EXT1: variants seen among roughly 807,000 people sequenced by gnomAD.
EXT1 encodes exostosin-1.
EXT1 carries 20 observed loss-of-function variants against 82.5 expected under a neutral mutation model. The ratio of observed to expected loss-of-function variants is 0.24; its 90% CI spans 0.17 to 0.35. The LOEUF is 0.35. Ranked by LOEUF, EXT1 falls within the 10% of genes least tolerant of loss-of-function variation. The probability of loss-of-function intolerance (pLI) is 1.00; values close to 1 mark genes in which losing one functional copy is unlikely to be tolerated. For missense variants in EXT1, 757 were observed against 936.5 expected (o/e 0.81, Z 2.50); for synonymous variants, 348 against 350.8 (o/e 0.99, Z 0.09).
chr8:117,976,367 C>T (rs535921366), intron 1 of EXT1, among the ~76,000 whole-genome samples: 4 of 152,272 alleles, frequency 2.6e-5, no homozygotes, highest in African/African-American at 7.2e-5. Flanking sequence ...ACTGGAGACA[C>T]GCATAATGTT....
chr8:117,835,392 C>T (rs573568558), intron 3 of EXT1, 52 bp downstream of exon 3: 54 of 1,362,012 alleles, frequency 4.0e-5, no homozygotes, highest in African/African-American at 7.1e-5. Flanking sequence ...AAAGTTTGGA[C>T]GGGGGCAGCA....
chr8:117,858,774 C>A lies in EXT1; in HGVS notation c.963-21573G>T, dbSNP rs1249597736. On this transcript the variant is annotated intron_variant, in intron 1 of 10. Coordinates refer to ENST00000378204, the MANE Select transcript of EXT1 (RefSeq NM_000127.3). ...GAAGGAAGGAAGGAAGGAAGGCAGG[C>A]AGGCAGGCAGGCAGGCAAGGCAAGG... 1.8e-3 allele frequency among the ~76,000 whole-genome samples: 177 copies of A among 97,274 alleles called. 4 individuals are homozygous for A. The highest frequency in any genetic ancestry group is 2.6e-3 in the Non-Finnish European group (134 of 50,808). 63.8% of individuals were successfully genotyped at this position (97,274 alleles called of 152,430 possible). A position where few individuals can be genotyped will look rare whatever the true frequency, so the allele number is the denominator to read the frequency against.
chr8:117,822,419 A>T (rs1394640386), intron 5 of EXT1, 46 bp downstream of exon 5: 1 of 1,606,738 alleles, frequency 6.2e-7, no homozygotes, highest in Admixed American at 1.7e-5. Flanking sequence ...TCTGTATGAC[A>T]TCTTCAGGGT....
chr8:117,918,281 C>T (rs1283701124), intron 1 of EXT1, among the ~76,000 whole-genome samples: 1 of 152,224 alleles, frequency 6.6e-6, no homozygotes, highest in Non-Finnish European at 1.5e-5. Context: ...CTGCACCCAA[C>T]ACAGTGCCAG....
chr8:117,862,655 T>A lies in EXT1; in HGVS notation c.963-25454A>T, dbSNP rs749000517. On this transcript the variant is annotated intron_variant, in intron 1 of 10. Coordinates refer to ENST00000378204, the MANE Select transcript of EXT1 (RefSeq NM_000127.3). The stretch of plus-strand genomic sequence containing the variant: ...GGAATTAGACAGGAATGGGATGTGG[T>A]CCGTGGAGACTGTGGCTTACTGACA... Among the ~76,000 whole-genome samples the A allele has an allele frequency of 1.1e-4, 16 of 145,538 alleles. 1 individual carries two copies. The highest frequency in any genetic ancestry group is 3.4e-3 in the Middle Eastern group (1 of 292).
chr8:118,100,101 G>C (rs529446777), intron 1 of EXT1, among the ~76,000 whole-genome samples: 1 of 152,134 alleles, frequency 6.6e-6, no homozygotes, highest in African/African-American at 2.4e-5. Flanking sequence ...AAGTCAATCC[G>C]ACTGGTCTCC....
At chr8:117,998,542 C>T (rs929297319) in intron 1 of EXT1, among the ~76,000 whole-genome samples, 3 of 152,162 alleles carry the variant, frequency 2.0e-5, no homozygotes, top group African/African-American at 7.2e-5. Context: ...TCCCTCCTCA[C>T]CTCCCAAAGT....
intron 7 of EXT1, among the ~76,000 whole-genome samples, chr8:117,814,359 C>T (rs566533646): frequency 6.6e-6 from 1 of 151,758 alleles, no homozygotes; most frequent in African/African-American, 2.4e-5. Flanking sequence ...GTTGAATGTA[C>T]CATAGAGGAA....
intron 1 of EXT1, among the ~76,000 whole-genome samples, chr8:118,093,890 G>A (rs530674313): frequency 6.6e-6 from 1 of 152,316 alleles, no homozygotes; most frequent in Admixed American, 6.5e-5. Context: ...TGCTGCTACT[G>A]ATAATGCCAT....
At chr8:117,917,455 A>G (rs538677162) in intron 1 of EXT1, among the ~76,000 whole-genome samples, 50 of 152,210 alleles carry the variant, frequency 3.3e-4, no homozygotes, top group Non-Finnish European at 7.1e-4. Context: ...ACAGAGTGAG[A>G]CGCCATCTCA....
Position 117,975,087 on chromosome 8 carries a change from C to T in EXT1, c.962+134998G>A, listed in dbSNP as rs574993436. ...ATAAGTGCTTTTTGCACACAAGTGG[C>T]CTTTTGGAATTGATTTCTGAGTTCT... On this transcript the variant is annotated intron_variant, in intron 1 of 10. Transcript: ENST00000378204. 2.6e-5 allele frequency among the ~76,000 whole-genome samples: 4 copies of T among 152,290 alleles called. No homozygotes were observed. The South Asian group carries it at 8.3e-4, about 32-fold the overall frequency.
chr8:118,071,306 C>T (rs965297383), intron 1 of EXT1, among the ~76,000 whole-genome samples: 3 of 152,100 alleles, frequency 2.0e-5, no homozygotes, highest in Non-Finnish European at 4.4e-5. Context: ...GTACCTCCTG[C>T]GTGACACTGT....
At chr8:117,893,068 CATT>C (rs1203834342) in intron 1 of EXT1, among the ~76,000 whole-genome samples, 2 of 152,224 alleles carry the variant, frequency 1.3e-5, no homozygotes, top group Non-Finnish European at 2.9e-5. Flanking sequence ...GTAGCTGAAA[CATT>C]ACAGTACACA....
At chr8:117,996,291 T>G (rs1815537328) in intron 1 of EXT1, among the ~76,000 whole-genome samples, 1 of 152,214 alleles carries the variant, frequency 6.6e-6, no homozygotes, top group Admixed American at 6.5e-5. Context: ...GAGCAAGCCT[T>G]CAGATCTGTG....
At chr8:117,903,669 C>T (rs1289635733) in intron 1 of EXT1, among the ~76,000 whole-genome samples, 1 of 152,172 alleles carries the variant, frequency 6.6e-6, no homozygotes, top group African/African-American at 2.4e-5. Flanking sequence ...TTCAGTCTTG[C>T]TTGCCCAGAG....
At chr8:117,885,941 G>C (rs985788268) in intron 1 of EXT1, among the ~76,000 whole-genome samples, 1 of 152,174 alleles carries the variant, frequency 6.6e-6, no homozygotes, top group African/African-American at 2.4e-5. Context: ...AGATCCTAGA[G>C]TATGGTGGAA....
At chr8:117,881,748 T>C (rs757336332) in intron 1 of EXT1, among the ~76,000 whole-genome samples, 1 of 152,176 alleles carries the variant, frequency 6.6e-6, no homozygotes, top group African/African-American at 2.4e-5. Flanking sequence ...AAAATGTAGG[T>C]TGGCCAATCC....
At chr8:117,842,507 CA>C (rs1224718391) in intron 1 of EXT1, among the ~76,000 whole-genome samples, 1 of 152,150 alleles carries the variant, frequency 6.6e-6, no homozygotes, top group African/African-American at 2.4e-5. Context: ...CTCCAAACCT[CA>C]AAGTTTTGAA....
intron 1 of EXT1, among the ~76,000 whole-genome samples, chr8:118,042,999 A>G (rs1039731017): frequency 3.3e-5 from 5 of 152,198 alleles, no homozygotes; most frequent in African/African-American, 9.7e-5. Flanking sequence ...TTAATGTGCT[A>G]GCATATGGCA....
Sources: gnomAD v4.1 joint callset for allele counts (sites outside exome capture counted in the v4.1 genomes callset) on GRCh38, gnomAD v4.1.1 for gene constraint, MANE v1.5 for transcripts, NCBI Gene and HGNC (gene_info 2026-07-23, HGNC 2026-07-21) for gene names.